ADGRL1: variants seen among roughly 807,000 people sequenced by gnomAD.
ADGRL1 encodes CIRL-1.
A neutral mutation model predicts 148.9 loss-of-function variants in ADGRL1; 31 were observed. The ratio of observed to expected loss-of-function variants is 0.21; its 90% confidence interval spans 0.16 to 0.28. The LOEUF (loss-of-function observed/expected upper bound fraction) is 0.28. ADGRL1 is among the 10% of genes least tolerant of loss of function. The probability of loss-of-function intolerance (pLI) is 1.00; values close to 1 mark genes in which losing one functional copy is unlikely to be tolerated. For synonymous variants in ADGRL1, 937 were observed against 900.3 expected (o/e 1.04, Z -0.73); for missense variants, 1,521 against 2,058.8 (o/e 0.74, Z 5.05).
intron 15 of ADGRL1, 94 bp from the exon 16 acceptor site, chr19:14,156,818 G>T (rs2144668504): frequency 1.3e-6 from 2 of 1,517,024 alleles, no homozygotes; most frequent in African/African-American, 2.8e-5. Flanking sequence ...TGCAGCCTCT[G>T]GGATCAGGAG....
In ADGRL1 at chr19:14,160,082, T is replaced by C. The variant is rs747336642; in HGVS notation, c.1800+30A>G. On this transcript the variant is annotated intron_variant, in intron 8 of 22. Transcript: ENST00000361434. This position sits in a 1 kb window ranked among gnomAD's most constrained non-coding sequence, Gnocchi z 5.9. ...CCCCTGGGGGCAGGCGCCCTCCCCA[T>C]ACCAGGTCAGCGCCACCGCCAGGCC... The C allele has an allele frequency of 7.1e-6, 11 of 1,552,668 alleles. No individual in the cohort carries two copies. Among genetic ancestry groups the C allele is most frequent in the Non-Finnish European group, 9.6e-6 (11 of 1,143,288 alleles).
Position 14,155,288 on chromosome 19 carries a change from C to T in ADGRL1, c.3294+71G>A. ...AGCCCCTGAGTCCCCTCCACCCTCGCCGCCTTCTCCTGGGTACCCAGGAAA... is the reference window on the plus strand; with the variant it reads ...AGCCCCTGAGTCCCCTCCACCCTCGTCGCCTTCTCCTGGGTACCCAGGAAA... On this transcript the variant is annotated intron_variant, in intron 18 of 22. Transcript: ENST00000361434. The surrounding 1 kb of genome is among the most constrained non-coding windows in gnomAD (Gnocchi z 5.0). The T allele has an allele frequency of 6.4e-7, 1 of 1,556,560 alleles. No individual in the cohort carries two copies. The highest frequency in any genetic ancestry group is 1.2e-5 in the South Asian group (1 of 84,594).
rs377151616 is a variant in ADGRL1, at chr19:14,175,417, CCACT to C, written c.284+2110_284+2113del. ...CACACACGTGCACCCATCCACCTCA[CCACT>C]CACAGATATGAAAACACACACCTCA... On this transcript the variant is annotated intron_variant, in intron 3 of 22. Transcript: ENST00000361434. Among the ~76,000 whole-genome samples, 8 of 149,870 alleles carry C rather than the reference CCACT, an allele frequency of 5.3e-5. No individual in the cohort carries two copies. The East Asian group carries it at 7.9e-4, about 15-fold the overall frequency.
At chr19:14,194,939 C>T (rs1317424531) in intron 1 of ADGRL1, among the ~76,000 whole-genome samples, 11 of 150,056 alleles carry the variant, frequency 7.3e-5, no homozygotes, top group African/African-American at 2.5e-5. Context: ...GGCTGGAGTG[C>T]AATGGTGCAC....
intron 2 of ADGRL1, among the ~76,000 whole-genome samples, chr19:14,182,540 G>C (rs549725384): frequency 3.9e-5 from 6 of 152,326 alleles, no homozygotes; most frequent in African/African-American, 7.2e-5. Context: ...ATGGCAGGGA[G>C]GCCCTTGGGG....
intron 3 of ADGRL1, among the ~76,000 whole-genome samples, chr19:14,175,566 A>C (rs972982583): frequency 6.6e-6 from 1 of 151,986 alleles, no homozygotes; most frequent in East Asian, 1.9e-4. Context: ...TCACACACAC[A>C]TCCACCCACC....
rs547872487 is a variant in ADGRL1 at position 14,155,111 on chromosome 19, T to C, written c.3294+248A>G. 10 of 324,386 alleles carry C rather than the reference T, an allele frequency of 3.1e-5. No individual in the cohort carries two copies. In the East Asian group the frequency reaches 4.2e-4, roughly 14 times the overall value. The allele number at this position is 324,386 out of a possible 1,614,324, so 20.1% of individuals were successfully genotyped here. On this transcript the variant is annotated intron_variant, in intron 18 of 22. Coordinates refer to ENST00000361434, the MANE Select transcript of ADGRL1 (RefSeq NM_014921.5). This position sits in a 1 kb window ranked among gnomAD's most constrained non-coding sequence, Gnocchi z 5.0. ...GAGGGTTCCCCATTACCAAATCTGT[T>C]CTGCTCTCACTCCTCTAAGTTGCTG...
chr19:14,194,372 TAAAG>T (rs1972127399), intron 1 of ADGRL1, among the ~76,000 whole-genome samples: 1 of 152,114 alleles, frequency 6.6e-6, no homozygotes, highest in South Asian at 2.1e-4. Context: ...CACAGAACTT[TAAAG>T]AAACCATTTA....
At chr19:14,203,037 C>T (rs1230579358) in intron 1 of ADGRL1, among the ~76,000 whole-genome samples, 1 of 152,160 alleles carries the variant, frequency 6.6e-6, no homozygotes, top group African/African-American at 2.4e-5. Context: ...CACCTCACTC[C>T]AGGACCCGTC....
intron 1 of ADGRL1, among the ~76,000 whole-genome samples, chr19:14,188,807 T>C (rs1250972964): frequency 6.6e-6 from 1 of 152,162 alleles, no homozygotes; most frequent in Non-Finnish European, 1.5e-5. Context: ...GGAGTCTCAC[T>C]TTGTCACCGG....
Position 14,158,527 on chromosome 19 carries a change from G to T in ADGRL1, c.2175C>A (p.Leu725=). The part of the protein sequence containing the change: ...RNGVVKVVFI[L]YNNLGLFLST... ...ACAGGAAGAGGCCCAGGTTGTTGTA[G>T]AGGATGAAGACAACTTTGACCACCC... The change falls in exon 12 of 23, where the codon CTC becomes CTA. Residue 725 remains leucine, a synonymous_variant. Transcript: ENST00000361434. 1 of 1,614,002 alleles carries T rather than the reference G, an allele frequency of 6.2e-7. No individual in the cohort carries two copies. The highest frequency in any genetic ancestry group is 2.2e-5 in the East Asian group (1 of 44,880).
At chr19:14,197,618 A>C (rs1051094469) in intron 1 of ADGRL1, among the ~76,000 whole-genome samples, 21 of 152,056 alleles carry the variant, frequency 1.4e-4, no homozygotes, top group African/African-American at 5.1e-4. Flanking sequence ...CTCCCTCCAA[A>C]GGGCTCTGCC....
chr19:14,177,735 C>A lies in ADGRL1; in HGVS notation c.80G>T (p.Arg27Leu). 3 of 1,611,160 alleles carry A rather than the reference C, an allele frequency of 1.9e-6. No individual in the cohort carries two copies. The highest frequency in any genetic ancestry group is 2.5e-6 in the Non-Finnish European group (3 of 1,179,522). ...CATCAGCCCGAACGGGAGCCCGGCC[C>A]GGCTCAGGCCTGCAGGGAGGGTTGG... The part of the protein sequence containing the change: ...LVTSATQGLS[R>L]AGLPFGLMRR... The change falls in exon 3 of 23, where the codon CGG (arginine) becomes CTG (leucine). Residue 27 changes from arginine (R) to leucine (L), a missense_variant. Arg to Leu is a moderately radical substitution (Grantham distance 102). Around this residue, in one of 8 missense-constraint regions of ADGRL1, gnomAD observed 334 missense variants for 512.5 expected, o/e 0.65. Coordinates refer to ENST00000361434, the MANE Select transcript of ADGRL1 (RefSeq NM_014921.5).
intron 1 of ADGRL1, among the ~76,000 whole-genome samples, chr19:14,204,018 C>T (rs563583006): frequency 4.0e-4 from 61 of 151,430 alleles, no homozygotes; most frequent in African/African-American, 1.5e-3. Flanking sequence ...ACACGTATGT[C>T]GCACACGTAT....
chr19:14,183,212 A>AGAGAGAGAGAGAGAGC (rs71172403), intron 2 of ADGRL1, among the ~76,000 whole-genome samples: 120 of 151,160 alleles, frequency 7.9e-4, no homozygotes, highest in South Asian at 1.9e-3. Context: ...AGAGAGAGAG[A>AGAGAGAGAGAGAGAGC]GAGAGCGAGA....
In ADGRL1 at chr19:14,158,545, G is replaced by C. The variant is rs1478544480; in HGVS notation, c.2157C>G (p.Val719=). The part of the protein sequence containing the change: ...TIKQNSRNGV[V]KVVFILYNNL... ...TGTTGTAGAGGATGAAGACAACTTT[G>C]ACCACCCCTGGTGAGAACAGGCACG... Residue 719 remains valine (V), a synonymous_variant, in exon 12 of 23, where the codon GTC becomes GTG. Coordinates refer to ENST00000361434, the MANE Select transcript of ADGRL1 (RefSeq NM_014921.5). 1.9e-6 allele frequency: 3 copies of C among 1,613,726 alleles called. No individual in the cohort carries two copies. Among genetic ancestry groups the C allele is most frequent in the South Asian group, 1.1e-5 (1 of 91,068 alleles).
intron 18 of ADGRL1, among the ~76,000 whole-genome samples, chr19:14,154,384 G>A (rs760006361): frequency 7.9e-5 from 12 of 152,132 alleles, no homozygotes; most frequent in Admixed American, 2.6e-4. Context: ...CCTCAGCTCC[G>A]TCTCCCCAGC....
In ADGRL1 at chr19:14,184,749, C is replaced by T. The variant is rs186692975; in HGVS notation, c.-95-1052G>A. Among the ~76,000 whole-genome samples, 788 of 151,838 alleles carry T rather than the reference C, an allele frequency of 5.2e-3. 3 individuals are homozygous for T. Among genetic ancestry groups the T allele is most frequent in the Non-Finnish European group, 7.7e-3 (521 of 67,938 alleles). ...CCGCCTCCTGGGTTCACGCCATTCT[C>T]CTGCCTCAGCCTCCCGAGTAGCTGG... is the stretch of plus-strand genomic sequence containing the variant. On this transcript the variant is annotated intron_variant, in intron 1 of 22. Coordinates refer to ENST00000361434, the MANE Select transcript of ADGRL1 (RefSeq NM_014921.5).
chr19:14,155,449 C>G lies in ADGRL1; in HGVS notation c.3204G>C (p.Lys1068Asn), dbSNP rs745596952. Residue 1068 changes from lysine to asparagine, a missense_variant, in exon 18 of 23, where the codon AAG becomes AAC. This residue lies in a region of ADGRL1 where 185 missense variants were observed against 251.7 expected (regional missense o/e 0.74). Coordinates refer to ENST00000361434, the MANE Select transcript of ADGRL1 (RefSeq NM_014921.5). The surrounding 1 kb of genome is among the most constrained non-coding windows in gnomAD (Gnocchi z 5.0). Reference protein sequence around the residue: ...TWAFGLLFINKESVVMAYLFT... With the variant: ...TWAFGLLFINNESVVMAYLFT... ...AGAGATAGGCCATGACCACCGACTCCTTGTTGATGAAGAGGAGGCCGAAAG... is the reference window on the plus strand; with the variant it reads ...AGAGATAGGCCATGACCACCGACTCGTTGTTGATGAAGAGGAGGCCGAAAG... The G allele has an allele frequency of 6.2e-7, 1 of 1,614,156 alleles. No individual in the cohort carries two copies. Among genetic ancestry groups the G allele is most frequent in the East Asian group, 2.2e-5 (1 of 44,888 alleles).
Sources: allele counts gnomAD v4.1 joint callset (sites outside exome capture counted in the v4.1 genomes callset), GRCh38; gene constraint gnomAD v4.1.1; regional missense constraint gnomAD v4.1.1; non-coding constraint Gnocchi (gnomAD v3.1); transcripts MANE v1.5; gene names NCBI Gene and HGNC (gene_info 2026-07-23, HGNC 2026-07-21).